The following SORCS1 variants were observed in gnomAD, a reference collection of about 807,000 sequenced individuals.
SORCS1 encodes the protein VPS10 domain-containing receptor SorCS1.
A neutral mutation model predicts 146.1 loss-of-function variants in SORCS1; 60 were observed. That is an observed-to-expected ratio of 0.41 (90% CI 0.33 to 0.51). The LOEUF (loss-of-function observed/expected upper bound fraction) is 0.51. Among genes scored for constraint, SORCS1 ranks in the 20% least tolerant of loss-of-function variants. The pLI, the probability that SORCS1 is intolerant of heterozygous loss-of-function variation, is 0.21. For missense variants in SORCS1, 1,352 were observed against 1,487.6 expected (o/e 0.91, Z 1.50); for synonymous variants, 637 against 584.0 (o/e 1.09, Z -1.31).
intron 9 of SORCS1, among the ~76,000 whole-genome samples, chr10:106,692,854 G>C (rs1025519056): frequency 1.3e-5 from 2 of 151,626 alleles, no homozygotes; most frequent in African/African-American, 4.8e-5. Context: ...AATATTTAAG[G>C]TGATGAATAA....
At chr10:106,797,778 A>C (rs1946645310) in intron 3 of SORCS1, among the ~76,000 whole-genome samples, 1 of 152,112 alleles carries the variant, frequency 6.6e-6, no homozygotes, top group Admixed American at 6.6e-5. Context: ...GCTTTTTCAG[A>C]CTGCATCTCT....
chr10:106,588,123 A>G (rs1355923669), intron 24 of SORCS1, among the ~76,000 whole-genome samples: 42 of 152,190 alleles, frequency 2.8e-4, no homozygotes, highest in Admixed American at 2.7e-3. Flanking sequence ...GTTCAATTAC[A>G]TCTGCCATTA....
chr10:106,799,335 C>A (rs1290314004), intron 3 of SORCS1, among the ~76,000 whole-genome samples: 1 of 152,176 alleles, frequency 6.6e-6, no homozygotes, highest in Non-Finnish European at 1.5e-5. Context: ...CACTTCATGT[C>A]TAAAACACCA....
At chr10:106,705,236 T>C (rs528885465) in intron 8 of SORCS1, among the ~76,000 whole-genome samples, 1 of 152,118 alleles carries the variant, frequency 6.6e-6, no homozygotes, top group Non-Finnish European at 1.5e-5. Flanking sequence ...ACCACGAACA[T>C]AGCTATAGTT....
At chr10:106,991,050 C>A (rs1447530767) in intron 1 of SORCS1, among the ~76,000 whole-genome samples, 1 of 152,202 alleles carries the variant, frequency 6.6e-6, no homozygotes, top group African/African-American at 2.4e-5. Context: ...ACTTTTTCAC[C>A]TGTTCAGTAT....
chr10:107,180,239 G>A, the SORCS1 span, among the ~76,000 whole-genome samples: 1 of 151,968 alleles, frequency 6.6e-6, no homozygotes, highest in Non-Finnish European at 1.5e-5. Flanking sequence ...TCAGTTTTGT[G>A]GAAATATGAT....
At chr10:107,001,690 G>A (rs995395833) in intron 1 of SORCS1, among the ~76,000 whole-genome samples, 2 of 152,082 alleles carry the variant, frequency 1.3e-5, no homozygotes, top group East Asian at 1.9e-4. Context: ...TCTGGAAATC[G>A]TGCCCTCAGG....
At chr10:106,770,099 A>G (rs1397118774) in intron 4 of SORCS1, among the ~76,000 whole-genome samples, 1 of 152,208 alleles carries the variant, frequency 6.6e-6, no homozygotes, top group Non-Finnish European at 1.5e-5. Flanking sequence ...TCAAAAAAAG[A>G]AGAAAAAATT....
intron 1 of SORCS1, among the ~76,000 whole-genome samples, chr10:107,039,593 T>C (rs568102816): frequency 2.6e-5 from 4 of 152,306 alleles, no homozygotes; most frequent in African/African-American, 9.6e-5. Context: ...TTCTTTCCTC[T>C]CTGGCTCCCC....
chr10:107,119,941 G>A (rs2134529602), intron 1 of SORCS1, among the ~76,000 whole-genome samples: 1 of 152,190 alleles, frequency 6.6e-6, no homozygotes. Context: ...ACTGATCACA[G>A]CTAACCACAA....
intron 2 of SORCS1, among the ~76,000 whole-genome samples, chr10:106,838,628 C>T (rs919740756): frequency 6.6e-6 from 1 of 152,196 alleles, no homozygotes; most frequent in African/African-American, 2.4e-5. Context: ...ACCACTGATC[C>T]ATTTACCCTC....
At chr10:106,951,143 A>G (rs1045553444) in intron 2 of SORCS1, among the ~76,000 whole-genome samples, 1 of 152,058 alleles carries the variant, frequency 6.6e-6, no homozygotes. Flanking sequence ...ATTCAATACA[A>G]TTACATAAGG....
At chr10:106,629,411 A>G (rs1390552518) in intron 18 of SORCS1, 23 bp from the exon 19 acceptor site, 1 of 1,611,628 alleles carries the variant, frequency 6.2e-7, no homozygotes, top group Admixed American at 1.7e-5. Context: ...CCAACATCAG[A>G]GGAAATGAGT....
intron 4 of SORCS1, among the ~76,000 whole-genome samples, chr10:106,764,812 A>G (rs1859430661): frequency 6.6e-6 from 1 of 152,064 alleles, no homozygotes; most frequent in Non-Finnish European, 1.5e-5. Context: ...TCACGAGGTC[A>G]GGAGATTGAG....
At chr10:106,911,839 G>A (rs543973084) in intron 2 of SORCS1, among the ~76,000 whole-genome samples, 18 of 152,308 alleles carry the variant, frequency 1.2e-4, no homozygotes, top group Non-Finnish European at 1.9e-4. Flanking sequence ...GGGACTGGGT[G>A]TGGTGGCTCA....
intron 1 of SORCS1, among the ~76,000 whole-genome samples, chr10:107,163,768 C>T (rs896507046): frequency 1.3e-5 from 2 of 152,140 alleles, no homozygotes; most frequent in Non-Finnish European, 2.9e-5. Context: ...GGAGAGGACT[C>T]TGATGGTGTT....
intron 2 of SORCS1, among the ~76,000 whole-genome samples, chr10:106,916,562 G>A (rs1301963840): frequency 7.4e-6 from 1 of 134,696 alleles, no homozygotes; most frequent in African/African-American, 2.9e-5. Context: ...ATATATAATT[G>A]TGTGCATATA....
intron 7 of SORCS1, among the ~76,000 whole-genome samples, chr10:106,707,769 C>G (rs979978506): frequency 6.6e-6 from 1 of 152,152 alleles, no homozygotes; most frequent in Non-Finnish European, 1.5e-5. Flanking sequence ...AGCACATGAG[C>G]AACCTGCAGG....
At chr10:106,787,724 G>A (rs1286512739) in intron 3 of SORCS1, among the ~76,000 whole-genome samples, 2 of 152,150 alleles carry the variant, frequency 1.3e-5, no homozygotes, top group African/African-American at 4.8e-5. Context: ...ATCTGGCCTA[G>A]TATCTTTTAT....
Sources: gnomAD v4.1 joint callset for allele counts (sites outside exome capture counted in the v4.1 genomes callset) on GRCh38, gnomAD v4.1.1 for gene constraint, MANE v1.5 for transcripts, NCBI Gene and HGNC (gene_info 2026-07-23, HGNC 2026-07-21) for gene names.